Variants in HRH2 observed in about 807,000 individuals in gnomAD.
HRH2 encodes the protein histamine receptor H2.
Under a neutral mutation model 20.1 loss-of-function variants are expected in HRH2, and 4 were observed. The ratio of observed to expected loss-of-function variants is 0.20; its 90% confidence interval spans 0.10 to 0.45. The LOEUF is 0.45. HRH2 is among the 20% of genes least tolerant of loss of function. The probability of loss-of-function intolerance (pLI) is 0.99; values close to 1 mark genes in which losing one functional copy is unlikely to be tolerated. For synonymous variants in HRH2, 197 were observed against 200.7 expected (o/e 0.98, Z 0.16); for missense variants, 250 against 461.6 (o/e 0.54, Z 4.20).
chr5:175,702,071 C>T (rs1344154914), intron 2 of HRH2, among the ~76,000 whole-genome samples: 1 of 152,202 alleles, frequency 6.6e-6, no homozygotes, highest in Non-Finnish European at 1.5e-5. Context: ...CTTGGTGTCT[C>T]ATCCCAGCTT....
chr5:175,692,103 G>A (rs1311673197), intron 2 of HRH2, among the ~76,000 whole-genome samples: 2 of 152,152 alleles, frequency 1.3e-5, no homozygotes, highest in Admixed American at 1.3e-4. Context: ...AAAGGCAGGA[G>A]TTAGAAAGCT....
intron 2 of HRH2, among the ~76,000 whole-genome samples, chr5:175,698,754 C>G (rs999387907): frequency 6.6e-6 from 1 of 152,194 alleles, no homozygotes; most frequent in Non-Finnish European, 1.5e-5. Context: ...CACACTTTCC[C>G]TTTGTCATGG....
chr5:175,696,660 G>T (rs1423683479), intron 2 of HRH2, among the ~76,000 whole-genome samples: 1 of 152,202 alleles, frequency 6.6e-6, no homozygotes, highest in African/African-American at 2.4e-5. Context: ...GCAGGGAGGT[G>T]GGGGAGGGGC....
At chr5:175,668,484 C>T (rs1561720819) in intron 1 of HRH2, among the ~76,000 whole-genome samples, 1 of 152,128 alleles carries the variant, frequency 6.6e-6, no homozygotes, top group Non-Finnish European at 1.5e-5. Context: ...GTGTCAACTC[C>T]ATTGTGAGGC....
chr5:175,688,225 C>T (rs985514028), intron 2 of HRH2, among the ~76,000 whole-genome samples: 3 of 152,212 alleles, frequency 2.0e-5, no homozygotes, highest in East Asian at 1.9e-4. Context: ...ATAATGTCAT[C>T]GAAACTGCAA....
chr5:175,687,790 T>C lies in HRH2; in HGVS notation c.1076+3481T>C, dbSNP rs149037775. ...GCTCCCTAAATTATGAATCTCAGTG[T>C]AGTGCCCCTGCTCAGGACCCTCCTC... On this transcript the variant is annotated intron_variant, in intron 2 of 2. Coordinates refer to ENST00000636584, the MANE Select transcript of HRH2 (RefSeq NM_001367711.1). This position sits in a 1 kb window ranked among gnomAD's most constrained non-coding sequence, Gnocchi z 5.2. Among the ~76,000 whole-genome samples, 2 of 152,264 alleles carry C rather than the reference T, an allele frequency of 1.3e-5. No individual in the cohort carries two copies. The highest frequency in any genetic ancestry group is 2.9e-5 in the Non-Finnish European group (2 of 68,016).
chr5:175,671,940 G>A (rs372776256), intron 1 of HRH2, among the ~76,000 whole-genome samples: 47 of 152,130 alleles, frequency 3.1e-4, no homozygotes, highest in South Asian at 6.2e-4. Context: ...AAGGAGAGCC[G>A]GGATGACTGC....
chr5:175,709,528 G>C lies in HRH2; in HGVS notation c.*1557G>C, dbSNP rs1757034822. On this transcript the variant is annotated 3_prime_UTR_variant, in exon 3 of 3. Transcript: ENST00000636584. The stretch of plus-strand genomic sequence containing the variant: ...TGCAGCTGCGTGCCTGCAGCTGCGT[G>C]CCTGCCTTCTCCCTGCACCTGCTCT... The C allele has an allele frequency of 6.8e-6, 1 of 147,998 alleles. No individual in the cohort carries two copies. The highest frequency in any genetic ancestry group is 1.5e-5 in the Non-Finnish European group (1 of 68,048). 9.2% of individuals were successfully genotyped at this position (147,998 alleles called of 1,614,324 possible).
In HRH2 at chr5:175,710,347, A is replaced by G. The variant is rs1757057519; in HGVS notation, c.*2376A>G. 6.6e-6 allele frequency: 1 copy of G among 152,344 alleles called. No homozygotes were observed. The highest frequency in any genetic ancestry group is 2.4e-5 in the African/African-American group (1 of 41,478). The allele number at this position is 152,344 out of a possible 1,614,324, so 9.4% of individuals were successfully genotyped here. ...GATGCTTTCAGCAGTGTATCTGCCAATAAACCTAAAGGCATGATTTGCCCT... is the reference window on the plus strand; with the variant it reads ...GATGCTTTCAGCAGTGTATCTGCCAGTAAACCTAAAGGCATGATTTGCCCT... On this transcript the variant is annotated 3_prime_UTR_variant, in exon 3 of 3. Coordinates refer to ENST00000636584, the MANE Select transcript of HRH2 (RefSeq NM_001367711.1).
At chr5:175,672,427 G>A (rs1213989523) in intron 1 of HRH2, among the ~76,000 whole-genome samples, 1 of 152,198 alleles carries the variant, frequency 6.6e-6, no homozygotes, top group African/African-American at 2.4e-5. Flanking sequence ...GCGGATGGAG[G>A]ACTTTGGCCA....
intron 1 of HRH2, among the ~76,000 whole-genome samples, chr5:175,678,495 T>C (rs562020643): frequency 1.3e-5 from 2 of 152,304 alleles, no homozygotes; most frequent in Admixed American, 1.3e-4. Context: ...CACAAAGCTA[T>C]TTCAGCAACA....
At chr5:175,705,824 G>A (rs571613162) in intron 2 of HRH2, among the ~76,000 whole-genome samples, 8 of 152,100 alleles carry the variant, frequency 5.3e-5, no homozygotes, top group Middle Eastern at 6.8e-3. Flanking sequence ...CACCAGGCCC[G>A]GCTAATTTTT....
intron 1 of HRH2, among the ~76,000 whole-genome samples, chr5:175,671,645 T>A (rs1175583172): frequency 1.3e-5 from 2 of 152,134 alleles, no homozygotes; most frequent in African/African-American, 2.4e-5. Context: ...GTGCCAGGTA[T>A]AAAATACAAA....
At chr5:175,664,108 C>T (rs140151201) in intron 1 of HRH2, among the ~76,000 whole-genome samples, 3 of 152,152 alleles carry the variant, frequency 2.0e-5, no homozygotes, top group Non-Finnish European at 4.4e-5. Context: ...TCTGCAGGAG[C>T]GTGTGGCAGC....
rs1481075679 is a variant in HRH2 at position 175,687,136 on chromosome 5, G to A, written c.1076+2827G>A. On this transcript the variant is annotated intron_variant, in intron 2 of 2. Transcript: ENST00000636584. This position sits in a 1 kb window ranked among gnomAD's most constrained non-coding sequence, Gnocchi z 5.2. The stretch of plus-strand genomic sequence containing the variant: ...CCAGGAGCAGGGGCAGAGGGCTTTG[G>A]CAGAGAAGGGTGGGGGAGCCAGTCA... 6.6e-6 allele frequency among the ~76,000 whole-genome samples: 1 copy of A among 152,208 alleles called. No homozygotes were observed. The highest frequency in any genetic ancestry group is 1.5e-5 in the Non-Finnish European group (1 of 68,030).
At chr5:175,698,858 G>A (rs1487291756) in intron 2 of HRH2, among the ~76,000 whole-genome samples, 2 of 152,200 alleles carry the variant, frequency 1.3e-5, no homozygotes, top group Non-Finnish European at 2.9e-5. Context: ...GTGCAAAAGC[G>A]AACCCAGAGT....
Position 175,693,022 on chromosome 5 carries a change from G to A in HRH2, c.1076+8713G>A, listed in dbSNP as rs895582973. Among the ~76,000 whole-genome samples, 1 of 152,200 alleles carries A rather than the reference G, an allele frequency of 6.6e-6. No individual in the cohort carries two copies. Among genetic ancestry groups the A allele is most frequent in the Admixed American group, 6.5e-5 (1 of 15,282 alleles). On this transcript the variant is annotated intron_variant, in intron 2 of 2. Transcript: ENST00000636584. The surrounding 1 kb of genome is among the most constrained non-coding windows in gnomAD (Gnocchi z 4.4). ...GACTGCAGAGAGAGCCCCAGCCATG[G>A]GGAGAGGAGACCAGACCAGACTTTC... is the stretch of plus-strand genomic sequence containing the variant.
chr5:175,685,943 C>G (rs1002690777), intron 2 of HRH2: 1 of 158,652 alleles, frequency 6.3e-6, no homozygotes, highest in Non-Finnish European at 1.4e-5. Flanking sequence ...CTGCCACCCC[C>G]ATTCCCAGGG....
intron 2 of HRH2, among the ~76,000 whole-genome samples, chr5:175,699,321 C>T (rs1756716804): frequency 6.6e-6 from 1 of 152,180 alleles, no homozygotes; most frequent in African/African-American, 2.4e-5. Context: ...AGGGTCGCCT[C>T]CAATTTTAGC....
Sources: gnomAD v4.1 joint callset for allele counts (sites outside exome capture counted in the v4.1 genomes callset) on GRCh38, gnomAD v4.1.1 for gene constraint, Gnocchi (gnomAD v3.1) non-coding constraint, MANE v1.5 for transcripts, NCBI Gene and HGNC (gene_info 2026-07-23, HGNC 2026-07-21) for gene names.